MTMR4: variants seen among roughly 807,000 people sequenced by gnomAD.
MTMR4 encodes phosphatidylinositol-3,5-bisphosphate 3-phosphatase MTMR4.
Under a neutral mutation model 125.5 loss-of-function variants are expected in MTMR4, and 30 were observed. The observed-to-expected ratio is 0.24, with a 90% confidence interval of 0.18 to 0.32. MTMR4 has a LOEUF of 0.32. MTMR4 is among the 10% of genes least tolerant of loss of function. MTMR4 has a pLI of 1.00. For missense variants in MTMR4, 1,039 were observed against 1,511.5 expected, an observed-to-expected ratio of 0.69 and a Z score of 5.18; for synonymous variants, 498 against 564.5, an observed-to-expected ratio of 0.88 and a Z score of 1.67.
intron 4 of MTMR4, among the ~76,000 whole-genome samples, chr17:58,510,099 A>G (rs1314911624): frequency 1.3e-5 from 2 of 152,090 alleles, no homozygotes; most frequent in African/African-American, 4.8e-5. Flanking sequence ...TCTTGCCCCC[A>G]TTCTCTTTCA....
intron 14 of MTMR4, among the ~76,000 whole-genome samples, chr17:58,498,580 GAGA>G (rs1457533214): frequency 2.7e-5 from 4 of 145,852 alleles, no homozygotes; most frequent in East Asian, 4.3e-4. Flanking sequence ...GGAGAAGAAG[GAGA>G]AGAAGAAGGA....
At chr17:58,511,328 G>A in intron 4 of MTMR4, 101 bp downstream of exon 4, 1 of 1,072,054 alleles carries the variant, frequency 9.3e-7, no homozygotes, top group Non-Finnish European at 1.3e-6. Context: ...TGGGGAAAGT[G>A]AGGCAGGATC....
At position 58,512,460 on chromosome 17, in the gene MTMR4, C is replaced by T. The variant is rs750889794; in HGVS notation, c.182G>A (p.Arg61Gln). 1.4e-5 allele frequency: 22 copies of T among 1,614,012 alleles called. No individual in the cohort carries two copies. Among genetic ancestry groups the T allele is most frequent in the Admixed American group, 1.2e-4 (7 of 60,006 alleles). The change falls in exon 3 of 18, where the codon CGG becomes CAG. Residue 61 changes from arginine (R) to glutamine (Q), a missense_variant. Transcript: ENST00000682306. The surrounding 1 kb of genome is among the most constrained non-coding windows in gnomAD (Gnocchi z 4.1). ...GATGGCAATGAGGGCATCGGCTGCC[C>T]GGCCCAGGAACTCTACTCCCTCACC... is the stretch of plus-strand genomic sequence containing the variant. ...LQGEGVEFLG[R>Q]AADALIAISN...
At position 58,508,476 on chromosome 17, in the gene MTMR4, G is replaced by C. The variant is rs1183337902; in HGVS notation, c.585C>G (p.Ser195Arg). Residue 195 changes from serine (S) to arginine (R), a missense_variant, in exon 6 of 18, where the codon AGC becomes AGG. Coordinates refer to ENST00000682306, the MANE Select transcript of MTMR4 (RefSeq NM_001378067.1). The surrounding 1 kb of genome is among the most constrained non-coding windows in gnomAD (Gnocchi z 4.8). The stretch of plus-strand genomic sequence containing the variant: ...GTCCCCAACCCTCTCACTTGTAGTT[G>C]CTGTTGATGTGTGAGACTCTCCAGA... ...QNVWRVSHIN[S>R]NYKLCPSYPQ... 1 of 1,614,200 alleles carries C rather than the reference G, an allele frequency of 6.2e-7. No individual in the cohort carries two copies. The highest frequency in any genetic ancestry group is 1.7e-5 in the Admixed American group (1 of 60,028).
intron 14 of MTMR4, among the ~76,000 whole-genome samples, chr17:58,498,730 T>C (rs1975540832): frequency 6.6e-6 from 1 of 152,132 alleles, no homozygotes; most frequent in African/African-American, 2.4e-5. Flanking sequence ...CACACCTCCT[T>C]CTTTGCTGTC....
At chr17:58,500,611 G>A (rs994428893) in intron 14 of MTMR4, among the ~76,000 whole-genome samples, 2 of 151,986 alleles carry the variant, frequency 1.3e-5, no homozygotes, top group African/African-American at 4.8e-5. Flanking sequence ...CTAGCCAGGT[G>A]TGGTGGTGGG....
chr17:58,517,478 T>C (rs1236685585), upstream of MTMR4, among the ~76,000 whole-genome samples: 1 of 152,224 alleles, frequency 6.6e-6, no homozygotes, highest in African/African-American at 2.4e-5. Context: ...CCTAGGCCAT[T>C]CTCCCTCATG....
Position 58,512,333 on chromosome 17 carries a change from A to G in MTMR4, c.252+57T>C. Reference sequence around the variant, plus strand: ...TCAAGGACAGCCTTGGAACAATCCCACCTTGAACTTCATAGGGATTCTAGC... The same window carrying G: ...TCAAGGACAGCCTTGGAACAATCCCGCCTTGAACTTCATAGGGATTCTAGC... On this transcript the variant is annotated intron_variant, in intron 3 of 17. Transcript: ENST00000682306. The surrounding 1 kb of genome is among the most constrained non-coding windows in gnomAD (Gnocchi z 4.1). 3 of 1,417,916 alleles carry G rather than the reference A, an allele frequency of 2.1e-6. No individual in the cohort carries two copies. Among genetic ancestry groups the G allele is most frequent in the Non-Finnish European group, 3.0e-6 (3 of 1,002,206 alleles). The allele number at this position is 1,417,916 out of a possible 1,614,324, so 87.8% of individuals were successfully genotyped here. A position where few individuals can be genotyped will look rare whatever the true frequency, so the allele number is the denominator to read the frequency against.
intron 14 of MTMR4, among the ~76,000 whole-genome samples, chr17:58,499,747 A>G (rs1047883281): frequency 4.6e-5 from 7 of 150,866 alleles, no homozygotes; most frequent in African/African-American, 1.7e-4. Context: ...CTCAGCCTCC[A>G]GAGTAGCTGG....
In MTMR4 at chr17:58,512,694, G is replaced by T. The variant is rs929549915; in HGVS notation, c.135+158C>A. Among the ~76,000 whole-genome samples the T allele has an allele frequency of 6.6e-6, 1 of 152,184 alleles. No homozygotes were observed. Among genetic ancestry groups the T allele is most frequent in the Admixed American group, 6.5e-5 (1 of 15,280 alleles). On this transcript the variant is annotated intron_variant, in intron 2 of 17. Coordinates refer to ENST00000682306, the MANE Select transcript of MTMR4 (RefSeq NM_001378067.1). This position sits in a 1 kb window ranked among gnomAD's most constrained non-coding sequence, Gnocchi z 4.1. Reference sequence around the variant, plus strand: ...TGCCTTTCCTTCCCTGCGGCCAAAGGCTCCAGGATGCGCAGACAAACCCTC... The same window carrying T: ...TGCCTTTCCTTCCCTGCGGCCAAAGTCTCCAGGATGCGCAGACAAACCCTC...
At chr17:58,502,937 C>T (rs1975680611) in intron 14 of MTMR4, among the ~76,000 whole-genome samples, 4 of 152,284 alleles carry the variant, frequency 2.6e-5, no homozygotes, top group Admixed American at 2.6e-4. Context: ...CACTTCTCCC[C>T]AAACATTGAG....
At position 58,504,813 on chromosome 17, in the gene MTMR4, T is replaced by G. The variant is rs1567933288; in HGVS notation, c.1307A>C (p.Lys436Thr). 6.2e-7 allele frequency: 1 copy of G among 1,611,382 alleles called. No homozygotes were observed. ...DRTPQIVALA[K>T]ILLDPYYRTL... Reference sequence around the variant, plus strand: ...CCTGTAATATGGGTCCAGTAATATTTTGGCCAGGGCTACGATCTGCGGTGT... The same window carrying G: ...CCTGTAATATGGGTCCAGTAATATTGTGGCCAGGGCTACGATCTGCGGTGT... The change falls in exon 11 of 18, where the codon AAA becomes ACA. Residue 436 changes from lysine (K) to threonine (T), a missense_variant. Lys to Thr is a moderately conservative substitution (Grantham distance 78). Coordinates refer to ENST00000682306, the MANE Select transcript of MTMR4 (RefSeq NM_001378067.1). This position sits in a 1 kb window ranked among gnomAD's most constrained non-coding sequence, Gnocchi z 7.1.
chr17:58,513,335 T>C (rs1339133017), intron 1 of MTMR4, among the ~76,000 whole-genome samples: 1 of 152,102 alleles, frequency 6.6e-6, no homozygotes, highest in Non-Finnish European at 1.5e-5. Flanking sequence ...GAGCCAGGTA[T>C]GGCAGCTGGT....
Position 58,504,407 on chromosome 17 carries a change from C to T in MTMR4, c.1423G>A (p.Glu475Lys), listed in dbSNP as rs749159781. The change falls in exon 12 of 18, where the codon GAG becomes AAG. Residue 475 changes from glutamate (E) to lysine (K), a missense_variant. Transcript: ENST00000682306. This position sits in a 1 kb window ranked among gnomAD's most constrained non-coding sequence, Gnocchi z 7.1. Reference protein sequence around the residue: ...GDRCGHQENVEDQNEQCPVFL... With the variant: ...GDRCGHQENVKDQNEQCPVFL... ...ACAGGGCATTGTTCGTTTTGGTCCT[C>T]CACATTCTCTTGGTGGCCACAGCGA... 1 of 1,614,160 alleles carries T rather than the reference C, an allele frequency of 6.2e-7. No individual in the cohort carries two copies. The highest frequency in any genetic ancestry group is 2.2e-5 in the East Asian group (1 of 44,876).
At chr17:58,507,647 T>A (rs1229780050) in intron 7 of MTMR4, among the ~76,000 whole-genome samples, 1 of 152,242 alleles carries the variant, frequency 6.6e-6, no homozygotes, top group Non-Finnish European at 1.5e-5. Context: ...GGTTACTTCC[T>A]GTCTCACTCT....
At chr17:58,492,740 C>T (rs1975346550) in intron 16 of MTMR4, 102 bp downstream of exon 16, 1 of 1,356,288 alleles carries the variant, frequency 7.4e-7, no homozygotes, top group African/African-American at 1.4e-5. Flanking sequence ...GGCTGACACT[C>T]CTCTGGGGGA....
At chr17:58,492,745 G>A in intron 16 of MTMR4, 97 bp downstream of exon 16, 2 of 1,360,528 alleles carry the variant, frequency 1.5e-6, no homozygotes, top group Non-Finnish European at 2.1e-6. Flanking sequence ...ACACTCCTCT[G>A]GGGGACAGCT....
chr17:58,517,558 G>A (rs1161418253), upstream of MTMR4, among the ~76,000 whole-genome samples: 1 of 152,258 alleles, frequency 6.6e-6, no homozygotes, highest in Non-Finnish European at 1.5e-5. Context: ...AGGGAAGGAA[G>A]GGAGGGAAGG....
Position 58,508,629 on chromosome 17 carries a change from T to A in MTMR4, c.496+52A>T. ...CCAATGTGCAGGAGTGGAGGAGGGA[T>A]GAGAACTAAGGGGTAAGAAGCAGCC... On this transcript the variant is annotated intron_variant, in intron 5 of 17. Coordinates refer to ENST00000682306, the MANE Select transcript of MTMR4 (RefSeq NM_001378067.1). The surrounding 1 kb of genome is among the most constrained non-coding windows in gnomAD (Gnocchi z 4.8). 3 of 1,613,974 alleles carry A rather than the reference T, an allele frequency of 1.9e-6. No homozygotes were observed. The South Asian group carries it at 3.3e-5, about 18-fold the overall frequency.
Sources: gnomAD v4.1 joint callset for allele counts (sites outside exome capture counted in the v4.1 genomes callset) on GRCh38, gnomAD v4.1.1 for gene constraint, Gnocchi (gnomAD v3.1) non-coding constraint, MANE v1.5 for transcripts, NCBI Gene and HGNC (gene_info 2026-07-23, HGNC 2026-07-21) for gene names.